PIK3CB: variants seen among roughly 807,000 people sequenced by gnomAD.
PIK3CB encodes the protein phosphatidylinositol 4,5-bisphosphate 3-kinase catalytic subunit beta isoform.
In PIK3CB, 39 loss-of-function variants were observed where a neutral mutation model predicts 136.8. That is an observed-to-expected ratio of 0.29 (90% CI 0.22 to 0.37). The LOEUF (loss-of-function observed/expected upper bound fraction) is 0.37, where lower values mean the gene tolerates loss of function less well. Among genes scored for constraint, PIK3CB ranks in the 10% least tolerant of loss-of-function variants. The pLI is 1.00. For synonymous variants in PIK3CB, 428 were observed against 436.6 expected (o/e 0.98, Z 0.25); for missense variants, 868 against 1,275.4 (o/e 0.68, Z 4.87).
chr3:138,679,068 A>AAAAC (rs370325560), intron 19 of PIK3CB, among the ~76,000 whole-genome samples: 5 of 152,292 alleles, frequency 3.3e-5, no homozygotes, highest in African/African-American at 1.2e-4. Flanking sequence ...TCTGACTCAA[A>AAAAC]AAACAAACAA....
chr3:138,795,858 G>A (rs538962145), intron 2 of PIK3CB, among the ~76,000 whole-genome samples: 1 of 152,160 alleles, frequency 6.6e-6, no homozygotes, highest in East Asian at 1.9e-4. Context: ...CTCCTAAAAT[G>A]GCCCCTGCTG....
intron 9 of PIK3CB, 104 bp downstream of exon 9, chr3:138,714,364 C>A: frequency 2.9e-6 from 2 of 688,986 alleles, no homozygotes; most frequent in Non-Finnish European, 4.6e-6. Flanking sequence ...TTTTAAGGAT[C>A]AAAGTTACCT....
chr3:138,718,321 T>C (rs1012681042), intron 8 of PIK3CB, among the ~76,000 whole-genome samples: 5 of 152,240 alleles, frequency 3.3e-5, no homozygotes, highest in African/African-American at 1.2e-4. Flanking sequence ...GCCGCATGTA[T>C]GTCTTCTTTT....
chr3:138,657,464 G>A (rs1559793422), intron 22 of PIK3CB: 1 of 456,158 alleles, frequency 2.2e-6, no homozygotes, highest in Non-Finnish European at 3.8e-6. Context: ...GTATATTATT[G>A]GAATAAAATA....
chr3:138,686,839 A>T (rs1407929849), intron 16 of PIK3CB, among the ~76,000 whole-genome samples: 1 of 152,164 alleles, frequency 6.6e-6, no homozygotes. Context: ...ACTAGGAAGG[A>T]CCTATGCAGC....
chr3:138,659,172 T>C (rs897107819), intron 21 of PIK3CB, among the ~76,000 whole-genome samples: 2 of 152,248 alleles, frequency 1.3e-5, no homozygotes, highest in Non-Finnish European at 2.9e-5. Context: ...CCCCCAGTTA[T>C]GACAACTAAA....
At chr3:138,672,910 G>GGA (rs2043564806) in intron 19 of PIK3CB, among the ~76,000 whole-genome samples, 1 of 61,364 alleles carries the variant, frequency 1.6e-5, no homozygotes, top group Non-Finnish European at 3.3e-5. Context: ...AGACTCCGTT[G>GGA]AAAAAAAAAA....
At chr3:138,780,882 G>A (rs572403969) in intron 2 of PIK3CB, among the ~76,000 whole-genome samples, 2 of 152,016 alleles carry the variant, frequency 1.3e-5, no homozygotes, top group South Asian at 4.2e-4. Context: ...ACAGGGTATC[G>A]CTATGTTGCC....
At chr3:138,806,339 A>AAAAAG (rs2046234363) in intron 1 of PIK3CB, among the ~76,000 whole-genome samples, 1 of 152,112 alleles carries the variant, frequency 6.6e-6, no homozygotes, top group African/African-American at 2.4e-5. Flanking sequence ...TACAAAAATT[A>AAAAAG]GCCAGGTGTG....
At chr3:138,776,183 A>T (rs912775397) in intron 2 of PIK3CB, among the ~76,000 whole-genome samples, 1 of 151,874 alleles carries the variant, frequency 6.6e-6, no homozygotes. Flanking sequence ...GGGCGATAAG[A>T]GCAAAACTCC....
intron 16 of PIK3CB, among the ~76,000 whole-genome samples, chr3:138,687,190 A>G (rs2043913136): frequency 6.6e-6 from 1 of 151,450 alleles, no homozygotes; most frequent in Non-Finnish European, 1.5e-5. Context: ...AAGAACAGCT[A>G]TGTACAGGGT....
chr3:138,699,471 T>C (rs931351306), intron 12 of PIK3CB, among the ~76,000 whole-genome samples: 3 of 150,998 alleles, frequency 2.0e-5, no homozygotes, highest in Non-Finnish European at 4.4e-5. Context: ...GGCAACGTGG[T>C]GAAAACCCGT....
intron 12 of PIK3CB, among the ~76,000 whole-genome samples, chr3:138,704,063 A>G (rs2044312874): frequency 1.3e-5 from 2 of 152,204 alleles, no homozygotes; most frequent in African/African-American, 4.8e-5. Context: ...AAGATGGAAG[A>G]AATTTGGGTC....
chr3:138,790,347 T>G (rs1423270560), intron 2 of PIK3CB, among the ~76,000 whole-genome samples: 2 of 151,758 alleles, frequency 1.3e-5, no homozygotes, highest in Non-Finnish European at 2.9e-5. Context: ...ATGCAGTGGC[T>G]CACACCTATA....
intron 2 of PIK3CB, among the ~76,000 whole-genome samples, chr3:138,776,437 T>C (rs2045859206): frequency 1.3e-5 from 2 of 152,030 alleles, no homozygotes; most frequent in African/African-American, 4.8e-5. Flanking sequence ...TGCCTGTAAT[T>C]CGAGTACTGT....
intron 2 of PIK3CB, chr3:138,770,338 T>C (rs1016414223): frequency 5.3e-5 from 8 of 152,184 alleles, no homozygotes; most frequent in African/African-American, 1.9e-4. Flanking sequence ...CCTTTACATC[T>C]AATGATAAGC....
At chr3:138,747,373 T>C (rs765232125) in intron 4 of PIK3CB, among the ~76,000 whole-genome samples, 134 of 152,048 alleles carry the variant, frequency 8.8e-4, no homozygotes, top group Non-Finnish European at 1.6e-3. Context: ...TTTACTGCAA[T>C]ATGCAATTTA....
At chr3:138,762,504 A>ACAGT (rs1461122114) in intron 2 of PIK3CB, among the ~76,000 whole-genome samples, 6 of 152,220 alleles carry the variant, frequency 3.9e-5, no homozygotes, top group Non-Finnish European at 8.8e-5. Flanking sequence ...ACAAAACTAC[A>ACAGT]CAGTCACTAC....
chr3:138,788,995 AAAAAC>A (rs2046017925), intron 2 of PIK3CB, among the ~76,000 whole-genome samples: 1 of 149,500 alleles, frequency 6.7e-6, no homozygotes, highest in African/African-American at 2.5e-5. Flanking sequence ...AAAAAAAACA[AAAAAC>A]AACACCACAG....
Sources: allele counts gnomAD v4.1 joint callset (sites outside exome capture counted in the v4.1 genomes callset), GRCh38; gene constraint gnomAD v4.1.1; transcripts MANE v1.5; gene names NCBI Gene and HGNC (gene_info 2026-07-23, HGNC 2026-07-21).